Variants in DRD2 observed in about 807,000 individuals in gnomAD.
DRD2 encodes the protein D(2) dopamine receptor.
DRD2 carries 8 observed loss-of-function variants against 38.0 expected under a neutral mutation model. The ratio of observed to expected loss-of-function variants is 0.21; its 90% CI spans 0.12 to 0.38. DRD2 has a LOEUF of 0.38. Among genes scored for constraint, DRD2 ranks in the 10% least tolerant of loss-of-function variants. DRD2 has a pLI of 1.00. For missense variants in DRD2, 403 were observed against 607.7 expected (o/e 0.66, Z 3.54); for synonymous variants, 230 against 238.6 (o/e 0.96, Z 0.33).
At chr11:113,445,213 A>T (rs1192498255) in intron 1 of DRD2, among the ~76,000 whole-genome samples, 1 of 152,262 alleles carries the variant, frequency 6.6e-6, no homozygotes, top group Non-Finnish European at 1.5e-5. Context: ...GGGATCCTGG[A>T]TTCGATCCTG....
intron 1 of DRD2, among the ~76,000 whole-genome samples, chr11:113,467,662 A>G (rs776878341): frequency 6.6e-6 from 1 of 152,238 alleles, no homozygotes; most frequent in Non-Finnish European, 1.5e-5. Context: ...ACTGCCAATC[A>G]GGGAGGCTCC....
intron 2 of DRD2, 100 bp from the exon 3 acceptor site, chr11:113,418,236 G>A: frequency 2.1e-6 from 2 of 967,862 alleles, no homozygotes; most frequent in East Asian, 5.1e-5. Flanking sequence ...ACAGACTCAG[G>A]AGGCAGCTGC....
intron 1 of DRD2, among the ~76,000 whole-genome samples, chr11:113,470,452 T>C (rs927919427): frequency 6.6e-6 from 1 of 152,122 alleles, no homozygotes; most frequent in Non-Finnish European, 1.5e-5. Flanking sequence ...GGGAGCCAGG[T>C]CTGCCTGACT....
chr11:113,454,409 T>C (rs1217208974), intron 1 of DRD2, among the ~76,000 whole-genome samples: 1 of 151,872 alleles, frequency 6.6e-6, no homozygotes, highest in African/African-American at 2.4e-5. Flanking sequence ...TTCAGAGAGG[T>C]TGAGTAATTT....
intron 1 of DRD2, among the ~76,000 whole-genome samples, chr11:113,426,539 T>A (rs927273340): frequency 6.6e-6 from 1 of 152,206 alleles, no homozygotes; most frequent in Admixed American, 6.5e-5. Context: ...CCATTTGGGA[T>A]GAATGTGGTG....
chr11:113,411,750 G>C (rs1950771859), intron 7 of DRD2: 1 of 152,298 alleles, frequency 6.6e-6, no homozygotes, highest in African/African-American at 2.4e-5. Flanking sequence ...AGTCCCATGG[G>C]ATCAAGTGCT....
intron 1 of DRD2, among the ~76,000 whole-genome samples, chr11:113,442,110 G>A (rs1951100475): frequency 6.6e-6 from 1 of 152,162 alleles, no homozygotes; most frequent in Non-Finnish European, 1.5e-5. Context: ...GGGTGTAGGG[G>A]CATAGATGAA....
intron 2 of DRD2, among the ~76,000 whole-genome samples, chr11:113,423,564 G>A (rs542219831): frequency 1.3e-5 from 2 of 152,304 alleles, no homozygotes; most frequent in East Asian, 3.9e-4. Context: ...GTGAGCCACC[G>A]TGCTCGGCCT....
At chr11:113,467,843 G>A (rs1027170551) in intron 1 of DRD2, among the ~76,000 whole-genome samples, 3 of 152,184 alleles carry the variant, frequency 2.0e-5, no homozygotes, top group Non-Finnish European at 4.4e-5. Context: ...CCCCTATCTC[G>A]CTCAAAATGA....
intron 1 of DRD2, among the ~76,000 whole-genome samples, chr11:113,467,163 A>C (rs951598715): frequency 3.3e-5 from 5 of 152,168 alleles, no homozygotes; most frequent in African/African-American, 1.2e-4. Context: ...AAAGAGTTGA[A>C]AGGGCTGAGT....
At chr11:113,417,700 G>A (rs750114879) in intron 3 of DRD2, among the ~76,000 whole-genome samples, 5 of 152,208 alleles carry the variant, frequency 3.3e-5, no homozygotes, top group South Asian at 2.1e-4. Flanking sequence ...CTCTGAAAAC[G>A]TCCATCATCT....
intron 1 of DRD2, among the ~76,000 whole-genome samples, chr11:113,469,924 C>T (rs879770254): frequency 2.6e-5 from 4 of 152,152 alleles, no homozygotes; most frequent in Admixed American, 2.6e-4. Context: ...AGAGTTGTTG[C>T]AGGATTGGGA....
chr11:113,469,559 C>G (rs1951401926), intron 1 of DRD2, among the ~76,000 whole-genome samples: 1 of 152,184 alleles, frequency 6.6e-6, no homozygotes, highest in Non-Finnish European at 1.5e-5. Flanking sequence ...CTTTCTAAGC[C>G]TATGCTTCTT....
intron 1 of DRD2, among the ~76,000 whole-genome samples, chr11:113,448,751 A>C (rs778660955): frequency 1.3e-5 from 2 of 152,106 alleles, no homozygotes; most frequent in Non-Finnish European, 2.9e-5. Flanking sequence ...AGTGGAAAGG[A>C]TTGGTAAGGA....
At chr11:113,427,775 C>T (rs1950953368) in intron 1 of DRD2, among the ~76,000 whole-genome samples, 1 of 152,164 alleles carries the variant, frequency 6.6e-6, no homozygotes, top group Non-Finnish European at 1.5e-5. Context: ...GCTCTTCCCC[C>T]AACCCACAAA....
At chr11:113,447,058 T>C (rs554930037) in intron 1 of DRD2, among the ~76,000 whole-genome samples, 2 of 152,266 alleles carry the variant, frequency 1.3e-5, no homozygotes, top group South Asian at 4.2e-4. Flanking sequence ...CTCAGATCTG[T>C]GTAGATGCCC....
intron 1 of DRD2, among the ~76,000 whole-genome samples, chr11:113,435,455 A>G (rs2119827782): frequency 6.6e-6 from 1 of 152,132 alleles, no homozygotes; most frequent in Non-Finnish European, 1.5e-5. Flanking sequence ...GAAGGGGCAG[A>G]TCCCTGGGGC....
intron 1 of DRD2, among the ~76,000 whole-genome samples, chr11:113,432,935 G>C (rs953135244): frequency 6.6e-6 from 1 of 152,202 alleles, no homozygotes; most frequent in Admixed American, 6.5e-5. Flanking sequence ...TCTGGCCGAG[G>C]AGGCAACCTC....
At chr11:113,417,989 G>A (rs1313571999) in intron 3 of DRD2, 38 bp downstream of exon 3, 1 of 1,553,038 alleles carries the variant, frequency 6.4e-7, no homozygotes, top group Non-Finnish European at 8.9e-7. Flanking sequence ...AGAATGGTGA[G>A]TGGCCAGAGC....
Sources: gnomAD v4.1 joint callset for allele counts (sites outside exome capture counted in the v4.1 genomes callset) on GRCh38, gnomAD v4.1.1 for gene constraint, MANE v1.5 for transcripts, NCBI Gene and HGNC (gene_info 2026-07-23, HGNC 2026-07-21) for gene names.